Variants in RSPH14 observed in about 807,000 individuals in gnomAD.
RSPH14 encodes the protein radial spoke head 14 homolog.
RSPH14 carries 20 observed loss-of-function variants against 26.7 expected under a neutral mutation model. The observed-to-expected ratio is 0.75, with a 90% CI of 0.53 to 1.09. RSPH14 has a LOEUF of 1.09. Ranked by LOEUF, RSPH14 falls within the 50% of genes least tolerant of loss-of-function variation. The pLI is 0.00. For synonymous variants in RSPH14, 177 were observed against 189.3 expected, an observed-to-expected ratio of 0.93 and a Z score of 0.53; for missense variants, 449 against 457.2, an observed-to-expected ratio of 0.98 and a Z score of 0.16.
At chr22:23,180,054 A>G in the RSPH14 span, 1 of 352,634 alleles carries the variant, frequency 2.8e-6, no homozygotes, top group South Asian at 3.4e-5. Context: ...TGGTAGGGGC[A>G]GAGGGGGGAG....
the RSPH14 span, chr22:23,163,716 TA>T: frequency 6.6e-6 from 1 of 151,850 alleles, no homozygotes; most frequent in African/African-American, 2.4e-5. Flanking sequence ...TTAGCTCTGC[TA>T]ACAGTCAGGA....
the RSPH14 span, chr22:23,153,018 C>G: frequency 6.3e-7 from 1 of 1,597,556 alleles, no homozygotes; most frequent in Non-Finnish European, 8.6e-7. Context: ...GTGACGACTT[C>G]CTCATCCCCC....
intron 3 of RSPH14, among the ~76,000 whole-genome samples, chr22:23,134,737 A>C (rs973742302): frequency 6.6e-6 from 1 of 151,804 alleles, no homozygotes; most frequent in Non-Finnish European, 1.5e-5. Context: ...TTGGTGGCAC[A>C]TGCCTGTAAT....
chr22:23,117,998 C>G (rs1375093696), intron 4 of RSPH14, among the ~76,000 whole-genome samples: 1 of 152,306 alleles, frequency 6.6e-6, no homozygotes. Context: ...CTGGCAGCCA[C>G]GTTCAGGGGA....
chr22:23,103,404 T>A (rs1302638668), intron 4 of RSPH14, among the ~76,000 whole-genome samples: 1 of 152,170 alleles, frequency 6.6e-6, no homozygotes, highest in Non-Finnish European at 1.5e-5. Flanking sequence ...ATGGCAGGAT[T>A]GATCCGCTAC....
chr22:23,060,950 G>T (rs1466400518), intron 6 of RSPH14, among the ~76,000 whole-genome samples: 4 of 152,166 alleles, frequency 2.6e-5, no homozygotes, highest in Non-Finnish European at 5.9e-5. Flanking sequence ...ACTGGGCTGA[G>T]GCTGCCCCAA....
At chr22:23,111,697 G>C (rs572490837) in intron 4 of RSPH14, among the ~76,000 whole-genome samples, 1 of 152,326 alleles carries the variant, frequency 6.6e-6, no homozygotes, top group African/African-American at 2.4e-5. Flanking sequence ...GGAGAATTAG[G>C]TTTCAGAACA....
intron 4 of RSPH14, 112 bp from the exon 5 acceptor site, chr22:23,064,245 CA>C: frequency 2.0e-6 from 2 of 980,682 alleles, no homozygotes. Context: ...GTGGGTTTGA[CA>C]AAAGGACTTG....
the RSPH14 span, among the ~76,000 whole-genome samples, chr22:23,173,629 GTTTTTTGT>G: frequency 2.6e-4 from 22 of 85,490 alleles, no homozygotes; most frequent in African/African-American, 8.6e-4. Context: ...TTGGTTTTTT[GTTTTTTGT>G]TTTTTTTTTT....
At chr22:23,160,806 G>C in the RSPH14 span, 2 of 1,559,616 alleles carry the variant, frequency 1.3e-6, no homozygotes, top group Non-Finnish European at 1.7e-6. Context: ...GGCTAGCCTG[G>C]CTTTCACACC....
At chr22:23,165,990 C>CA in the RSPH14 span, among the ~76,000 whole-genome samples, 2 of 151,544 alleles carry the variant, frequency 1.3e-5, no homozygotes, top group African/African-American at 2.4e-5. Context: ...ACTAAAAATA[C>CA]AAAAAATTAG....
chr22:23,166,594 A>G, the RSPH14 span, among the ~76,000 whole-genome samples: 1 of 151,790 alleles, frequency 6.6e-6, no homozygotes, highest in Admixed American at 6.6e-5. Context: ...TCTCTTTACA[A>G]TTCCCTTACC....
At chr22:23,091,522 C>T (rs571360858) in intron 4 of RSPH14, among the ~76,000 whole-genome samples, 12 of 151,816 alleles carry the variant, frequency 7.9e-5, no homozygotes, top group South Asian at 2.1e-4. Flanking sequence ...GCACACACAC[C>T]GCAATAGACC....
At chr22:23,138,967 A>C (rs745973355) in intron 2 of RSPH14, 25 bp from the exon 3 acceptor site, 54 of 1,513,360 alleles carry the variant, frequency 3.6e-5, no homozygotes, top group Middle Eastern at 1.7e-4. Flanking sequence ...AAAAACAAAC[A>C]AACCAACCCT....
intron 4 of RSPH14, among the ~76,000 whole-genome samples, chr22:23,103,840 A>G (rs2146339456): frequency 6.6e-6 from 1 of 152,238 alleles, no homozygotes; most frequent in Admixed American, 6.5e-5. Flanking sequence ...CAGGCCCTGG[A>G]GGACCTGTGT....
At chr22:23,180,297 CT>C in the RSPH14 span, 1 of 177,720 alleles carries the variant, frequency 5.6e-6, no homozygotes, top group Non-Finnish European at 1.2e-5. Context: ...CGGGGGACCC[CT>C]GGGCTGCGAG....
At chr22:23,109,710 G>A (rs779809779) in intron 4 of RSPH14, among the ~76,000 whole-genome samples, 4 of 152,328 alleles carry the variant, frequency 2.6e-5, no homozygotes, top group East Asian at 1.9e-4. Context: ...ACAGAACCAC[G>A]GGGGCAGCAG....
the RSPH14 span, among the ~76,000 whole-genome samples, chr22:23,155,658 C>T: frequency 6.6e-6 from 1 of 152,184 alleles, no homozygotes; most frequent in Non-Finnish European, 1.5e-5. Flanking sequence ...TGTCTTGGGC[C>T]GTATGTTCCA....
At chr22:23,153,586 G>A in the RSPH14 span, 6 of 985,248 alleles carry the variant, frequency 6.1e-6, no homozygotes, top group African/African-American at 7.0e-5. Context: ...GGCTGAGATG[G>A]AGTACACAGC....
Sources: gnomAD v4.1 joint callset for allele counts (sites outside exome capture counted in the v4.1 genomes callset) on GRCh38, gnomAD v4.1.1 for gene constraint, MANE v1.5 for transcripts, NCBI Gene and HGNC (gene_info 2026-07-23, HGNC 2026-07-21) for gene names.